The following DIP2C variants were observed in gnomAD, a reference collection of about 807,000 sequenced individuals.
The protein encoded by DIP2C is disco-interacting protein 2 homolog C.
Under a neutral mutation model 192.4 loss-of-function variants are expected in DIP2C, and 33 were observed. The ratio of observed to expected loss-of-function variants is 0.17; its 90% CI spans 0.13 to 0.23. The LOEUF (loss-of-function observed/expected upper bound fraction) is 0.23. Among genes scored for constraint, DIP2C ranks in the 10% least tolerant of loss-of-function variants. The probability of loss-of-function intolerance (pLI) is 1.00; values close to 1 mark genes in which losing one functional copy is unlikely to be tolerated. For missense variants in DIP2C, 1,537 were observed against 2,110.1 expected, an observed-to-expected ratio of 0.73 and a Z score of 5.32; for synonymous variants, 979 against 864.1, an observed-to-expected ratio of 1.13 and a Z score of -2.33.
Position 485,452 on chromosome 10 carries a change from C to G in DIP2C, c.157+1007G>C, listed in dbSNP as rs1843946052. Among the ~76,000 whole-genome samples the G allele has an allele frequency of 2.6e-5, 4 of 152,238 alleles. No homozygotes were observed. The South Asian group carries it at 8.3e-4, about 32-fold the overall frequency. On this transcript the variant is annotated intron_variant, in intron 2 of 36. Coordinates refer to ENST00000280886, the MANE Select transcript of DIP2C (RefSeq NM_014974.3). ...CTCGGCGTCTATCCCTGACTTAAGC[C>G]TCTGCTAAGCAAGGTCCACAGAAAC...
intron 1 of DIP2C, among the ~76,000 whole-genome samples, chr10:633,816 G>T (rs758816708): frequency 6.6e-6 from 1 of 152,226 alleles, no homozygotes; most frequent in African/African-American, 2.4e-5. Flanking sequence ...TTAGGTACGC[G>T]GTGGGGTGAC....
At position 320,600 on chromosome 10, in the gene DIP2C, C is replaced by T. The variant is rs947892134; in HGVS notation, c.3924+6406G>A. ...TGATGATGTGAGATGGCACTGGACA[C>T]TCAGGGAGGGAGATTCTTTCATAAA... On this transcript the variant is annotated intron_variant, in intron 31 of 36. Coordinates refer to ENST00000280886, the MANE Select transcript of DIP2C (RefSeq NM_014974.3). 2.0e-5 allele frequency among the ~76,000 whole-genome samples: 3 copies of T among 151,910 alleles called. No homozygotes were observed. The East Asian group carries it at 5.8e-4, about 29-fold the overall frequency.
intron 1 of DIP2C, among the ~76,000 whole-genome samples, chr10:507,115 G>C (rs1189764678): frequency 1.3e-5 from 2 of 152,116 alleles, no homozygotes; most frequent in Non-Finnish European, 2.9e-5. Flanking sequence ...AGGTATGCGA[G>C]GTTAGGGACC....
At chr10:424,293 T>A (rs1299888672) in intron 4 of DIP2C, among the ~76,000 whole-genome samples, 1 of 151,362 alleles carries the variant, frequency 6.6e-6, no homozygotes, top group East Asian at 1.9e-4. Context: ...GGAATTTTTT[T>A]AAAAGTTTAC....
At chr10:397,986 G>A (rs966169707) in intron 10 of DIP2C, among the ~76,000 whole-genome samples, 16 of 152,172 alleles carry the variant, frequency 1.1e-4, no homozygotes, top group Admixed American at 2.6e-4. Context: ...CCTCCAGACT[G>A]ACAAAGCTGA....
chr10:474,928 TTTC>T (rs1359628733), intron 2 of DIP2C, among the ~76,000 whole-genome samples: 1 of 152,180 alleles, frequency 6.6e-6, no homozygotes, highest in Non-Finnish European at 1.5e-5. Context: ...TATCCATTCC[TTTC>T]TTTTCTCCCT....
intron 1 of DIP2C, among the ~76,000 whole-genome samples, chr10:497,592 A>C (rs1371610186): frequency 6.6e-6 from 1 of 152,166 alleles, no homozygotes; most frequent in African/African-American, 2.4e-5. Context: ...AAGGAATCCA[A>C]ACCGTACGTA....
chr10:593,490 C>A (rs1411842910), intron 1 of DIP2C, among the ~76,000 whole-genome samples: 3 of 122,022 alleles, frequency 2.5e-5, no homozygotes, highest in Admixed American at 8.0e-5. Flanking sequence ...GCGGGACCCC[C>A]CCCCCCCCAC....
intron 3 of DIP2C, among the ~76,000 whole-genome samples, chr10:456,818 CAG>C (rs1238911520): frequency 6.6e-6 from 1 of 152,198 alleles, no homozygotes; most frequent in African/African-American, 2.4e-5. Flanking sequence ...CACACAAAAG[CAG>C]AGGTGTGGAG....
chr10:476,822 T>C (rs1229389818), intron 2 of DIP2C, among the ~76,000 whole-genome samples: 1 of 151,990 alleles, frequency 6.6e-6, no homozygotes, highest in African/African-American at 2.4e-5. Flanking sequence ...ACACGGAAAC[T>C]GCTAAAATTT....
intron 1 of DIP2C, among the ~76,000 whole-genome samples, chr10:582,919 A>G (rs887162675): frequency 6.6e-6 from 1 of 152,226 alleles, no homozygotes; most frequent in African/African-American, 2.4e-5. Flanking sequence ...TTTCAAATAA[A>G]ATTTCTGATG....
chr10:583,257 G>T (rs1385841760), intron 1 of DIP2C, among the ~76,000 whole-genome samples: 2 of 152,244 alleles, frequency 1.3e-5, no homozygotes, highest in African/African-American at 4.8e-5. Context: ...AGCAAACACG[G>T]CATATCACTA....
At chr10:284,012 G>A (rs957995384) in intron 34 of DIP2C, among the ~76,000 whole-genome samples, 7 of 152,194 alleles carry the variant, frequency 4.6e-5, no homozygotes, top group Non-Finnish European at 1.0e-4. Flanking sequence ...GAGTCAAAGC[G>A]ATAGCCACGT....
At chr10:292,611 A>G (rs866366863) in intron 32 of DIP2C, among the ~76,000 whole-genome samples, 1 of 152,210 alleles carries the variant, frequency 6.6e-6, no homozygotes, top group Non-Finnish European at 1.5e-5. Context: ...GCGCCGTGCA[A>G]CCGAGTGGGG....
intron 1 of DIP2C, among the ~76,000 whole-genome samples, chr10:593,365 A>T (rs1851513788): frequency 1.3e-5 from 2 of 151,982 alleles, no homozygotes; most frequent in South Asian, 4.2e-4. Flanking sequence ...TGTTTTCCCA[A>T]CATCACCTTA....
intron 26 of DIP2C, 89 bp from the exon 27 acceptor site, chr10:345,199 A>G (rs192815348): frequency 4.1e-6 from 5 of 1,216,852 alleles, no homozygotes; most frequent in East Asian, 2.5e-5. Flanking sequence ...TACTACATAC[A>G]CTAAAACCAT....
At chr10:519,227 C>T (rs950797553) in intron 1 of DIP2C, among the ~76,000 whole-genome samples, 5 of 152,212 alleles carry the variant, frequency 3.3e-5, no homozygotes, top group African/African-American at 1.2e-4. Flanking sequence ...GCCCCGGCCA[C>T]ACCAGGGCCC....
intron 1 of DIP2C, among the ~76,000 whole-genome samples, chr10:510,286 G>A (rs1343032024): frequency 1.3e-5 from 2 of 152,180 alleles, no homozygotes; most frequent in Admixed American, 6.5e-5. Flanking sequence ...GATAAAACCA[G>A]ACTTCAACAC....
At position 580,203 on chromosome 10, in the gene DIP2C, CATAT is replaced by C. The variant is rs879891972; in HGVS notation, c.86-93677_86-93674del. On this transcript the variant is annotated intron_variant, in intron 1 of 36. Transcript: ENST00000280886. ...CACATGCGTAGTGTATACATATGCA[CATAT>C]ATATAATGTATATATGTCAGTACAC... Among the ~76,000 whole-genome samples, 1,088 of 151,196 alleles carry C rather than the reference CATAT, an allele frequency of 7.2e-3. 27 individuals are homozygous for C. Among genetic ancestry groups the C allele is most frequent in the Admixed American group, 0.046 (697 of 15,154 alleles).
Sources: gnomAD v4.1 joint callset for allele counts (sites outside exome capture counted in the v4.1 genomes callset) on GRCh38, gnomAD v4.1.1 for gene constraint, MANE v1.5 for transcripts, NCBI Gene and HGNC (gene_info 2026-07-23, HGNC 2026-07-21) for gene names.